Variants in NNT observed in about 807,000 individuals in gnomAD.
NNT encodes NAD(P) transhydrogenase, mitochondrial.
Under a neutral mutation model 104.8 loss-of-function variants are expected in NNT, and 50 were observed. That is an observed-to-expected ratio of 0.48 (90% CI 0.38 to 0.60). The LOEUF is 0.60. Among genes scored for constraint, NNT ranks in the 20% least tolerant of loss-of-function variants. NNT has a pLI of 0.00. For missense variants in NNT, 1,131 were observed against 1,330.7 expected (o/e 0.85, Z 2.33); for synonymous variants, 461 against 490.4 (o/e 0.94, Z 0.79).
chr5:43,677,712 A>G lies in NNT; in HGVS notation c.2795-13A>G. ...AAAAACACATTCTTCTGTGTTCTTA[A>G]TGTTCCTTGCAGGCTATGGTCTCTG... On this transcript the variant is annotated splice_polypyrimidine_tract_variant and intron_variant, in intron 18 of 21. Transcript: ENST00000344920. 6.2e-7 allele frequency: 1 copy of G among 1,609,758 alleles called. No individual in the cohort carries two copies. The highest frequency in any genetic ancestry group is 1.7e-5 in the Admixed American group (1 of 59,990).
intron 2 of NNT, among the ~76,000 whole-genome samples, chr5:43,609,993 G>C (rs2111780439): frequency 6.6e-6 from 1 of 152,226 alleles, no homozygotes; most frequent in South Asian, 2.1e-4. Flanking sequence ...AGGACAGTGA[G>C]AATAATCTTT....
chr5:43,625,729 A>G (rs1178529834), intron 6 of NNT, among the ~76,000 whole-genome samples: 2 of 152,152 alleles, frequency 1.3e-5, no homozygotes, highest in Admixed American at 6.5e-5. Flanking sequence ...TAATGCTTGT[A>G]TCACAAAGTT....
intron 3 of NNT, among the ~76,000 whole-genome samples, chr5:43,615,154 A>C (rs981787473): frequency 2.0e-5 from 3 of 152,128 alleles, no homozygotes; most frequent in African/African-American, 2.4e-5. Flanking sequence ...AAAAAACAAA[A>C]AAAAATAAAT....
chr5:43,622,144 G>A lies in NNT; in HGVS notation c.688-1888G>A, dbSNP rs75162448. ...AATTGGTTGCACCTGGGACGATGGC[G>A]GCACCAGAAATGTAGAGAAAGGTGA... On this transcript the variant is annotated intron_variant, in intron 5 of 21. Coordinates refer to ENST00000344920, the MANE Select transcript of NNT (RefSeq NM_182977.3). Among the ~76,000 whole-genome samples the A allele has an allele frequency of 1.9e-4, 29 of 152,318 alleles. No homozygotes were observed. In the East Asian group the frequency reaches 4.2e-3, roughly 22 times the overall value.
In NNT at chr5:43,668,270, A is replaced by G. The variant is rs187150756; in HGVS notation, c.2635-7241A>G. 2.0e-3 allele frequency among the ~76,000 whole-genome samples: 288 copies of G among 145,198 alleles called. 11 individuals carry two copies. In the East Asian group the frequency reaches 0.05, roughly 25 times the overall value. ...TTTTTTTTTTTTTTTGCTGTGCAGT[A>G]GCTCTTTAGTTTAATTAGATCCCAT... On this transcript the variant is annotated intron_variant, in intron 17 of 21. Coordinates refer to ENST00000344920, the MANE Select transcript of NNT (RefSeq NM_182977.3).
intron 16 of NNT, 101 bp downstream of exon 16, chr5:43,656,914 T>A: frequency 4.3e-6 from 5 of 1,156,234 alleles, no homozygotes; most frequent in Non-Finnish European, 4.8e-6. Context: ...AGAACCTTGA[T>A]GGAATAAAAA....
At chr5:43,659,490 G>A (rs1318262991) in intron 17 of NNT, 140 bp downstream of exon 17, 1 of 662,396 alleles carries the variant, frequency 1.5e-6, no homozygotes, top group East Asian at 3.1e-5. Context: ...CAGCACTTTA[G>A]GAGGCCAAGG....
At chr5:43,697,309 T>C (rs904293902) in intron 19 of NNT, among the ~76,000 whole-genome samples, 2 of 152,162 alleles carry the variant, frequency 1.3e-5, no homozygotes, top group African/African-American at 4.8e-5. Context: ...AGAGTCACCT[T>C]TGCCCCAGTT....
chr5:43,700,034 G>A, intron 19 of NNT, 85 bp from the exon 20 acceptor site: 2 of 975,394 alleles, frequency 2.1e-6, no homozygotes, highest in Non-Finnish European at 3.1e-6. Context: ...CAAGAACAAA[G>A]TGTGCAGATT....
intron 17 of NNT, among the ~76,000 whole-genome samples, chr5:43,666,269 C>G (rs549856329): frequency 1.3e-5 from 2 of 151,986 alleles, no homozygotes; most frequent in African/African-American, 2.4e-5. Flanking sequence ...TGTAGCCAGC[C>G]GAGAGCATGC....
chr5:43,703,446 A>G (rs920869068), intron 21 of NNT, among the ~76,000 whole-genome samples: 6 of 152,192 alleles, frequency 3.9e-5, no homozygotes, highest in African/African-American at 2.4e-5. Context: ...GACATAAAAT[A>G]TATTTGTTTA....
intron 18 of NNT, among the ~76,000 whole-genome samples, chr5:43,675,934 C>T (rs553388773): frequency 1.3e-5 from 2 of 152,222 alleles, no homozygotes; most frequent in East Asian, 3.9e-4. Context: ...ATGTTTACAT[C>T]ATTTTCGAGT....
At chr5:43,689,370 T>G (rs1354321525) in intron 19 of NNT, among the ~76,000 whole-genome samples, 1 of 152,216 alleles carries the variant, frequency 6.6e-6, no homozygotes, top group East Asian at 1.9e-4. Flanking sequence ...ATTATTATTT[T>G]TGCTGTGCAG....
intron 1 of NNT, among the ~76,000 whole-genome samples, chr5:43,605,491 C>T (rs1273584058): frequency 7.7e-6 from 1 of 130,542 alleles, no homozygotes; most frequent in Non-Finnish European, 1.6e-5. Flanking sequence ...AGTCCGCAGT[C>T]CGGCCTGGGC....
intron 7 of NNT, among the ~76,000 whole-genome samples, chr5:43,631,712 C>A (rs1750685849): frequency 6.6e-6 from 1 of 152,030 alleles, no homozygotes; most frequent in African/African-American, 2.4e-5. Context: ...CAGGGCCTTC[C>A]CCTCTCCCCA....
Position 43,675,524 on chromosome 5 carries a change from C to A in NNT, c.2648C>A (p.Ser883Tyr). 1 of 1,610,828 alleles carries A rather than the reference C, an allele frequency of 6.2e-7. No individual in the cohort carries two copies. Among genetic ancestry groups the A allele is most frequent in the Non-Finnish European group, 8.5e-7 (1 of 1,179,028 alleles). The change falls in exon 18 of 22, where the codon TCC becomes TAC. Residue 883 changes from serine to tyrosine, a missense_variant. Ser to Tyr is a moderately radical substitution (Grantham distance 144, BLOSUM62 -2). Coordinates refer to ENST00000344920, the MANE Select transcript of NNT (RefSeq NM_182977.3). Reference protein sequence around the residue: ...SYIMCVAMNRSLANVILGGYG... With the variant: ...SYIMCVAMNRYLANVILGGYG... ...TTGGCTTTCTAGGCAATGAATCGCT[C>A]CCTGGCTAATGTGATTCTTGGAGGC...
Position 43,651,895 on chromosome 5 carries a change from C to G in NNT, c.1863+11C>G, listed in dbSNP as rs773881912. On this transcript the variant is annotated intron_variant, in intron 13 of 21. Transcript: ENST00000344920. ...TATAACATTGAACAGGTAAGATGCT[C>G]TTTGTAAGTTTTTATATTTACCACA... The G allele has an allele frequency of 2.0e-5, 32 of 1,609,318 alleles. No individual in the cohort carries two copies. Among genetic ancestry groups the G allele is most frequent in the African/African-American group, 2.7e-5 (2 of 74,676 alleles).
At position 43,675,597 on chromosome 5, in the gene NNT, C is replaced by T. The variant is rs1741369154; in HGVS notation, c.2721C>T (p.Gly907=). The part of the protein sequence containing the change: ...TAGGKPMEIS[G]THTEINLDNA... ...GTGGAAAACCCATGGAAATTTCTGG[C>T]ACACATACGGAAATCAACCTTGACA... Residue 907 remains glycine, a synonymous_variant, in exon 18 of 22, where the codon GGC becomes GGT. Coordinates refer to ENST00000344920, the MANE Select transcript of NNT (RefSeq NM_182977.3). The T allele has an allele frequency of 1.2e-6, 2 of 1,613,108 alleles. No homozygotes were observed. The highest frequency in any genetic ancestry group is 1.7e-6 in the Non-Finnish European group (2 of 1,179,640).
chr5:43,607,618 A>G (rs1287068964), intron 1 of NNT, among the ~76,000 whole-genome samples: 6 of 152,094 alleles, frequency 3.9e-5, no homozygotes, highest in African/African-American at 1.4e-4. Flanking sequence ...CGCCCGGCTA[A>G]TTTTTTGTAT....
Sources: gnomAD v4.1 joint callset for allele counts (sites outside exome capture counted in the v4.1 genomes callset) on GRCh38, gnomAD v4.1.1 for gene constraint, MANE v1.5 for transcripts, NCBI Gene and HGNC (gene_info 2026-07-23, HGNC 2026-07-21) for gene names.